The following ANAPC1 variants were observed in gnomAD, a reference collection of about 807,000 sequenced individuals.
ANAPC1 encodes anaphase promoting complex subunit 1, also known as anaphase-promoting complex subunit 1.
Under a neutral mutation model 208.0 loss-of-function variants are expected in ANAPC1, and 36 were observed. The ratio of observed to expected loss-of-function variants is 0.17; its 90% confidence interval spans 0.13 to 0.23. The LOEUF (loss-of-function observed/expected upper bound fraction) is 0.23, where lower values mean the gene tolerates loss of function less well. Ranked by LOEUF, ANAPC1 falls within the 10% of genes least tolerant of loss-of-function variation. ANAPC1 has a pLI of 1.00. For missense variants in ANAPC1, 942 were observed against 2,011.6 expected, an observed-to-expected ratio of 0.47 and a Z score of 10.17; for synonymous variants, 378 against 695.2, an observed-to-expected ratio of 0.54 and a Z score of 7.18.
intron 13 of ANAPC1, 96 bp from the exon 14 acceptor site, chr2:111,851,006 T>C (rs1307069840): frequency 1.1e-5 from 15 of 1,396,392 alleles, no homozygotes; most frequent in Non-Finnish European, 1.3e-5. Flanking sequence ...ATATTTCTTT[T>C]GATATTTCTA....
chr2:111,836,494 A>G (rs1447083790), intron 18 of ANAPC1, among the ~76,000 whole-genome samples: 1 of 150,938 alleles, frequency 6.6e-6, no homozygotes, highest in Non-Finnish European at 1.5e-5. Context: ...AAAAAAATTT[A>G]AAAATTAGCC....
intron 3 of ANAPC1, among the ~76,000 whole-genome samples, chr2:111,875,762 C>T (rs1198492270): frequency 6.6e-6 from 1 of 152,222 alleles, no homozygotes; most frequent in Non-Finnish European, 1.5e-5. Flanking sequence ...CATCCACTTG[C>T]ATCTCTCCAC....
rs1184236088 is a variant in ANAPC1, at chr2:111,816,076, TC to T, written c.3326-436del. ...ATTTCAAATGTTCTATCCTATATTT[TC>T]CCCTAGACATTAAGGAAAAATGACA... On this transcript the variant is annotated intron_variant, in intron 27 of 47. Coordinates refer to ENST00000341068, the MANE Select transcript of ANAPC1 (RefSeq NM_022662.4). 9.3e-5 allele frequency among the ~76,000 whole-genome samples: 14 copies of T among 150,794 alleles called. No individual in the cohort carries two copies. In the East Asian group the frequency reaches 2.7e-3, roughly 29 times the overall value.
chr2:111,872,847 C>T (rs1682827733), intron 5 of ANAPC1, 135 bp from the exon 6 acceptor site: 6 of 625,704 alleles, frequency 9.6e-6, no homozygotes, highest in Admixed American at 6.3e-5. Context: ...TCATTAAATA[C>T]GGTATTTTCT....
intron 5 of ANAPC1, 180 bp from the exon 6 acceptor site, chr2:111,872,892 A>G (rs558297864): frequency 1.7e-6 from 1 of 583,414 alleles, no homozygotes; most frequent in Admixed American, 3.3e-5. Context: ...TCTAAGATAA[A>G]ATCAAATCTA....
At chr2:111,872,515 A>G (rs1246268626) in intron 6 of ANAPC1, 115 bp downstream of exon 6, 2 of 856,828 alleles carry the variant, frequency 2.3e-6, no homozygotes, top group Admixed American at 4.9e-5. Context: ...AATGGCATAT[A>G]TCTATGCTGT....
rs79177544 is a variant in ANAPC1, at chr2:111,824,208, G to A, written c.2812+758C>T. ...CATAGGTATCCTGTATGTATACTAT[G>A]CAACAGTTATTGTCATTTTTAAGGT... On this transcript the variant is annotated intron_variant, in intron 24 of 47. Coordinates refer to ENST00000341068, the MANE Select transcript of ANAPC1 (RefSeq NM_022662.4). Among the ~76,000 whole-genome samples the A allele has an allele frequency of 3.9e-4, 53 of 135,818 alleles. No homozygotes were observed. In the East Asian group the frequency reaches 7.7e-3, roughly 20 times the overall value. 89.1% of individuals were successfully genotyped at this position (135,818 alleles called of 152,430 possible). A position where few individuals can be genotyped will look rare whatever the true frequency, so the allele number is the denominator to read the frequency against.
At position 111,881,215 on chromosome 2, in the gene ANAPC1, T is replaced by G. The variant is rs191913313; in HGVS notation, c.-24-366A>C. On this transcript the variant is annotated intron_variant, in intron 1 of 47. Coordinates refer to ENST00000341068, the MANE Select transcript of ANAPC1 (RefSeq NM_022662.4). ...CCATAACTACATGGCTTTTCAACAT[T>G]TAAGGTCATTTCTGGTTAGATGCCA... 3.9e-5 allele frequency among the ~76,000 whole-genome samples: 6 copies of G among 152,224 alleles called. No homozygotes were observed. The East Asian group carries it at 1.2e-3, about 29-fold the overall frequency.
chr2:111,773,038 T>G (rs1676828391), intron 46 of ANAPC1, among the ~76,000 whole-genome samples: 2 of 152,228 alleles, frequency 1.3e-5, no homozygotes, highest in Admixed American at 1.3e-4. Flanking sequence ...TAAACCACAC[T>G]TTGAGAATCA....
At chr2:111,880,413 A>T in intron 2 of ANAPC1, 200 bp downstream of exon 2, 1 of 1,029,338 alleles carries the variant, frequency 9.7e-7, no homozygotes, top group Non-Finnish European at 1.3e-6. Context: ...TAAAACCACA[A>T]GTTATAGAGG....
chr2:111,797,698 T>C (rs2104547489), intron 34 of ANAPC1, among the ~76,000 whole-genome samples: 1 of 151,138 alleles, frequency 6.6e-6, no homozygotes, highest in African/African-American at 2.4e-5. Flanking sequence ...CGGTAAACTA[T>C]TTCTAAAAGG....
chr2:111,843,334 T>A (rs1016124478), intron 17 of ANAPC1, 78 bp downstream of exon 17: 67 of 1,431,410 alleles, frequency 4.7e-5, no homozygotes, highest in Non-Finnish European at 6.1e-5. Context: ...TATTATGTAG[T>A]CTCAATGTTA....
intron 6 of ANAPC1, 122 bp downstream of exon 6, chr2:111,872,508 G>A: frequency 1.4e-6 from 1 of 740,476 alleles, no homozygotes; most frequent in Admixed American, 3.1e-5. Flanking sequence ...GAGAGAAAAT[G>A]GCATATATCT....
intron 21 of ANAPC1, among the ~76,000 whole-genome samples, chr2:111,826,798 T>A (rs1361808003): frequency 6.6e-6 from 1 of 151,930 alleles, no homozygotes; most frequent in African/African-American, 2.4e-5. Flanking sequence ...GTGGCTGGGA[T>A]TACAGGCATG....
chr2:111,835,224 C>T (rs1397290426), intron 18 of ANAPC1, among the ~76,000 whole-genome samples: 1 of 152,186 alleles, frequency 6.6e-6, no homozygotes, highest in Non-Finnish European at 1.5e-5. Flanking sequence ...TTAGTGGCCA[C>T]TACACTGAAC....
chr2:111,857,680 T>C (rs1483027301), intron 11 of ANAPC1, among the ~76,000 whole-genome samples: 3 of 152,178 alleles, frequency 2.0e-5, no homozygotes, highest in Non-Finnish European at 4.4e-5. Flanking sequence ...AATGACCCAA[T>C]CCTAGGCATT....
At chr2:111,825,911 T>G in intron 21 of ANAPC1, 56 bp from the exon 22 acceptor site, 1 of 1,559,078 alleles carries the variant, frequency 6.4e-7, no homozygotes, top group Non-Finnish European at 8.8e-7. Flanking sequence ...GCATCTCACT[T>G]TGTCACCCAG....
At chr2:111,855,258 A>G (rs1312579886) in intron 13 of ANAPC1, among the ~76,000 whole-genome samples, 3 of 152,208 alleles carry the variant, frequency 2.0e-5, no homozygotes, top group African/African-American at 7.2e-5. Flanking sequence ...AAGAATTCCA[A>G]TAGTAACATC....
chr2:111,849,986 T>C (rs1474136052), intron 14 of ANAPC1, among the ~76,000 whole-genome samples: 1 of 152,128 alleles, frequency 6.6e-6, no homozygotes, highest in Admixed American at 6.6e-5. Flanking sequence ...ATTAGGTTTA[T>C]TTCATTTGTA....
Sources: allele counts gnomAD v4.1 joint callset (sites outside exome capture counted in the v4.1 genomes callset), GRCh38; gene constraint gnomAD v4.1.1; transcripts MANE v1.5; gene names NCBI Gene and HGNC (gene_info 2026-07-23, HGNC 2026-07-21).